Variants in SIPA1L2 observed in about 807,000 individuals in gnomAD.
SIPA1L2 encodes signal induced proliferation associated 1 like 2, also known as signal-induced proliferation-associated 1-like protein 2.
In SIPA1L2, 56 loss-of-function variants were observed where a neutral mutation model predicts 163.9. The ratio of observed to expected loss-of-function variants is 0.34; its 90% CI spans 0.28 to 0.43. The LOEUF is 0.43. Among genes scored for constraint, SIPA1L2 ranks in the 20% least tolerant of loss-of-function variants. The pLI is 1.00. For missense variants in SIPA1L2, 1,974 were observed against 2,193.5 expected (o/e 0.90, Z 2.00); for synonymous variants, 877 against 865.7 (o/e 1.01, Z -0.23).
At chr1:232,600,694 T>A (rs1386779916) in intron 1 of SIPA1L2, among the ~76,000 whole-genome samples, 2 of 152,198 alleles carry the variant, frequency 1.3e-5, no homozygotes, top group Non-Finnish European at 2.9e-5. Flanking sequence ...ATGGTCACCA[T>A]GCACCTTACT....
intron 1 of SIPA1L2, among the ~76,000 whole-genome samples, chr1:232,628,985 T>C (rs979171271): frequency 9.9e-5 from 15 of 152,170 alleles, no homozygotes; most frequent in African/African-American, 3.4e-4. Context: ...AAATCCAAAA[T>C]GTCTACAATT....
At chr1:232,516,964 A>C (rs1458068577) in intron 2 of SIPA1L2, among the ~76,000 whole-genome samples, 1 of 152,172 alleles carries the variant, frequency 6.6e-6, no homozygotes, top group Non-Finnish European at 1.5e-5. Flanking sequence ...TGTCTAAATA[A>C]AGAAAGAATA....
intron 3 of SIPA1L2, among the ~76,000 whole-genome samples, chr1:232,503,432 G>A (rs1666577718): frequency 6.6e-6 from 1 of 152,168 alleles, no homozygotes; most frequent in Non-Finnish European, 1.5e-5. Context: ...GGTTTAAGTG[G>A]TAACTCACTA....
At chr1:232,469,388 T>C (rs143438231) in intron 8 of SIPA1L2, among the ~76,000 whole-genome samples, 2 of 152,330 alleles carry the variant, frequency 1.3e-5, no homozygotes, top group African/African-American at 4.8e-5. Flanking sequence ...CAATAAGGTG[T>C]TTTTAGAAAA....
Position 232,401,071 on chromosome 1 carries a change from T to C in SIPA1L2, c.5022+1321A>G, listed in dbSNP as rs187050377. Among the ~76,000 whole-genome samples, 3 of 152,276 alleles carry C rather than the reference T, an allele frequency of 2.0e-5. No individual in the cohort carries two copies. In the East Asian group the frequency reaches 5.8e-4, roughly 29 times the overall value. ...TCAACCAGCCTGGACTCCAGGTTCT[T>C]TGGTTTATTCATGCCCTGTACACGC... On this transcript the variant is annotated intron_variant, in intron 22 of 22. Transcript: ENST00000674635.
At chr1:232,512,639 T>C (rs1409314204) in intron 3 of SIPA1L2, among the ~76,000 whole-genome samples, 2 of 152,152 alleles carry the variant, frequency 1.3e-5, no homozygotes, top group East Asian at 3.9e-4. Flanking sequence ...AAACGCTGCA[T>C]GTTCTCACTC....
chr1:232,564,642 A>C (rs1659296473), intron 2 of SIPA1L2, among the ~76,000 whole-genome samples: 1 of 152,072 alleles, frequency 6.6e-6, no homozygotes, highest in Non-Finnish European at 1.5e-5. Context: ...TCAAACCCCA[A>C]TTTTAATTTA....
chr1:232,432,409 G>T lies in SIPA1L2; in HGVS notation c.4094C>A (p.Ser1365Ter). ...HCSKSSGSLDSSKVYIVSHSS... is the reference protein window; with the variant it reads ...HCSKSSGSLD ...GTGAGACACGATGTAGACTTTGGAT[G>T]AATCCAGAGACCCACTACTTTTTGA... is the stretch of plus-strand genomic sequence containing the variant. The change falls in exon 16 of 23, where the codon TCA (serine) becomes TAA (stop). Residue 1365 changes from serine (S) to a stop codon, truncating the protein, a stop_gained. Coordinates refer to ENST00000674635, the MANE Select transcript of SIPA1L2 (RefSeq NM_020808.5). LOFTEE classifies it high-confidence loss of function. 1 of 1,614,242 alleles carries T rather than the reference G, an allele frequency of 6.2e-7. No homozygotes were observed. Among genetic ancestry groups the T allele is most frequent in the Non-Finnish European group, 8.5e-7 (1 of 1,180,040 alleles).
chr1:232,513,777 C>T, intron 3 of SIPA1L2, 80 bp downstream of exon 3: 1 of 1,450,812 alleles, frequency 6.9e-7, no homozygotes, highest in Non-Finnish European at 9.2e-7. Flanking sequence ...GAAGGTGCTC[C>T]AACACAAAGC....
chr1:232,456,940 T>C (rs1663954155), intron 10 of SIPA1L2, among the ~76,000 whole-genome samples: 2 of 152,178 alleles, frequency 1.3e-5, no homozygotes, highest in South Asian at 4.1e-4. Flanking sequence ...GATCAGTTAA[T>C]AAGTGTCCCT....
chr1:232,586,530 A>G (rs1660664128), intron 1 of SIPA1L2, among the ~76,000 whole-genome samples: 2 of 152,208 alleles, frequency 1.3e-5, no homozygotes, highest in Non-Finnish European at 2.9e-5. Flanking sequence ...CACACAAATC[A>G]GAAAACTGAA....
chr1:232,461,243 C>T lies in SIPA1L2; in HGVS notation c.2821-82G>A. 5 of 1,530,004 alleles carry T rather than the reference C, an allele frequency of 3.3e-6. 1 individual carries two copies. The South Asian group carries it at 5.1e-5, about 16-fold the overall frequency. The allele number at this position is 1,530,004 out of a possible 1,614,324, so 94.8% of individuals were successfully genotyped here. Reference sequence around the variant, plus strand: ...CTGCCAAAGGTGCACGTATGGGCCTCCATGCCAGCCCTCTCCCTTGGGCCC... The same window carrying T: ...CTGCCAAAGGTGCACGTATGGGCCTTCATGCCAGCCCTCTCCCTTGGGCCC... On this transcript the variant is annotated intron_variant, in intron 9 of 22. Coordinates refer to ENST00000674635, the MANE Select transcript of SIPA1L2 (RefSeq NM_020808.5).
At chr1:232,490,680 A>C in intron 5 of SIPA1L2, 194 bp downstream of exon 5, 1 of 538,476 alleles carries the variant, frequency 1.9e-6, no homozygotes, top group East Asian at 3.3e-5. Flanking sequence ...ACAACTCAGC[A>C]GGAGGTGTGT....
intron 1 of SIPA1L2, among the ~76,000 whole-genome samples, chr1:232,606,472 G>A (rs1484151716): frequency 6.6e-6 from 1 of 152,068 alleles, no homozygotes; most frequent in Non-Finnish European, 1.5e-5. Context: ...TATTTTTAAA[G>A]TAAATGCCAA....
chr1:232,597,553 G>A (rs903488409), intron 1 of SIPA1L2, among the ~76,000 whole-genome samples: 3 of 151,286 alleles, frequency 2.0e-5, no homozygotes, highest in South Asian at 2.1e-4. Flanking sequence ...AGCCGGGCGT[G>A]ATGGCGGGCG....
chr1:232,605,971 A>C (rs898272147), intron 1 of SIPA1L2, among the ~76,000 whole-genome samples: 11 of 152,078 alleles, frequency 7.2e-5, no homozygotes, highest in Non-Finnish European at 1.5e-4. Context: ...CCACATATTC[A>C]TATCAGTGTC....
At chr1:232,450,204 T>C (rs1217409943) in intron 10 of SIPA1L2, among the ~76,000 whole-genome samples, 4 of 152,262 alleles carry the variant, frequency 2.6e-5, no homozygotes, top group African/African-American at 9.6e-5. Flanking sequence ...TAAGTTACTC[T>C]GGATTTACTG....
chr1:232,418,651 C>T (rs1407111165), intron 18 of SIPA1L2, among the ~76,000 whole-genome samples: 1 of 152,214 alleles, frequency 6.6e-6, no homozygotes, highest in Non-Finnish European at 1.5e-5. Flanking sequence ...GTGTATATTT[C>T]ACAACCAAAG....
Position 232,527,667 on chromosome 1 carries a change from A to G in SIPA1L2, c.-269-12059T>C, listed in dbSNP as rs138258325. Among the ~76,000 whole-genome samples, 4 of 151,634 alleles carry G rather than the reference A, an allele frequency of 2.6e-5. No individual in the cohort carries two copies. The East Asian group carries it at 7.8e-4, about 29-fold the overall frequency. ...AAAGAATGACCACTTAATATGATAT[A>G]CAGCATTTTCTAAAATAACAAGAAC... On this transcript the variant is annotated intron_variant, in intron 2 of 22. Transcript: ENST00000674635.
Sources: allele counts gnomAD v4.1 joint callset (sites outside exome capture counted in the v4.1 genomes callset), GRCh38; gene constraint gnomAD v4.1.1; transcripts MANE v1.5; gene names NCBI Gene and HGNC (gene_info 2026-07-23, HGNC 2026-07-21).